The following SMCO4 variants were observed in gnomAD, a reference collection of about 807,000 sequenced individuals.
SMCO4 encodes the protein single-pass membrane protein with coiled-coil domains 4.
Under a neutral mutation model 3.6 loss-of-function variants are expected in SMCO4, and 4 were observed. The observed-to-expected ratio is 1.11, with a 90% CI of 0.54 to 2.53. The LOEUF (loss-of-function observed/expected upper bound fraction) is 2.53, where lower values mean the gene tolerates loss of function less well. SMCO4 is among the 30% of genes most tolerant of loss of function. The probability of loss-of-function intolerance (pLI) is 0.02; values close to 1 mark genes in which losing one functional copy is unlikely to be tolerated. For missense variants in SMCO4, 70 were observed against 80.8 expected (o/e 0.87, Z 0.51); for synonymous variants, 36 against 35.3 (o/e 1.02, Z -0.07).
chr11:93,553,555 T>G, the SMCO4 span, among the ~76,000 whole-genome samples: 1 of 152,220 alleles, frequency 6.6e-6, no homozygotes, highest in South Asian at 2.1e-4. Flanking sequence ...CATGTTACAG[T>G]GTTGCAGATC....
chr11:93,487,617 C>G (rs184670224), intron 2 of SMCO4, among the ~76,000 whole-genome samples: 1 of 152,378 alleles, frequency 6.6e-6, no homozygotes, highest in African/African-American at 2.4e-5. Flanking sequence ...TGCCGAATGA[C>G]AGAGACATGA....
chr11:93,501,647 A>C (rs1161351407), intron 1 of SMCO4, among the ~76,000 whole-genome samples: 2 of 152,216 alleles, frequency 1.3e-5, no homozygotes, highest in East Asian at 3.9e-4. Flanking sequence ...GGATGATCTC[A>C]TCTCAAGATC....
intron 2 of SMCO4, among the ~76,000 whole-genome samples, chr11:93,488,064 T>C (rs7130511): frequency 0.012 from 1,895 of 152,280 alleles, 36 homozygotes; most frequent in African/African-American, 0.043. Flanking sequence ...AGAGCATGTG[T>C]CAGATGATGC....
At chr11:93,500,341 C>T (rs1948823066) in intron 1 of SMCO4, among the ~76,000 whole-genome samples, 3 of 152,118 alleles carry the variant, frequency 2.0e-5, no homozygotes, top group Non-Finnish European at 4.4e-5. Flanking sequence ...TGCTGTGCTG[C>T]CTTCATATTC....
chr11:93,498,829 G>A (rs919898862), intron 2 of SMCO4, among the ~76,000 whole-genome samples: 2 of 152,104 alleles, frequency 1.3e-5, no homozygotes, highest in Admixed American at 6.5e-5. Context: ...TGAGTCATTC[G>A]AGAAACATTT....
rs11020402 is a variant in SMCO4, at chr11:93,527,285, G to A, written c.-154+15991C>T. On this transcript the variant is annotated intron_variant, in intron 1 of 2. Transcript: ENST00000298966. ...AGGAACCTGGGACCTTTCTGAGTAT[G>A]TCAGTTCTGGGTTCAAATCCTGCCT... Among the ~76,000 whole-genome samples, 472 of 152,282 alleles carry A rather than the reference G, an allele frequency of 3.1e-3. 15 individuals are homozygous for A. The East Asian group carries it at 0.072, about 23-fold the overall frequency.
At chr11:93,509,867 A>G (rs79843481) in intron 1 of SMCO4, among the ~76,000 whole-genome samples, 2,495 of 152,310 alleles carry the variant, frequency 0.016, 76 homozygotes, top group African/African-American at 0.057. Context: ...CACACTGAGT[A>G]TAGTGTACAC....
chr11:93,511,544 T>C (rs1359076771), intron 1 of SMCO4, among the ~76,000 whole-genome samples: 2 of 152,192 alleles, frequency 1.3e-5, no homozygotes, highest in Non-Finnish European at 2.9e-5. Flanking sequence ...CCTCTACAAA[T>C]ACCTAACTTG....
intron 1 of SMCO4, among the ~76,000 whole-genome samples, chr11:93,515,088 C>G (rs1484438586): frequency 2.0e-5 from 3 of 152,154 alleles, no homozygotes; most frequent in Admixed American, 2.0e-4. Flanking sequence ...ACTCTCTGCT[C>G]CCCAAAATAT....
chr11:93,497,476 G>A (rs1452751737), intron 2 of SMCO4, among the ~76,000 whole-genome samples: 2 of 152,206 alleles, frequency 1.3e-5, no homozygotes, highest in Non-Finnish European at 1.5e-5. Flanking sequence ...AAGGTCTCAG[G>A]AGGAACATAT....
At chr11:93,496,802 A>G (rs1342594157) in intron 2 of SMCO4, among the ~76,000 whole-genome samples, 1 of 152,214 alleles carries the variant, frequency 6.6e-6, no homozygotes, top group Non-Finnish European at 1.5e-5. Flanking sequence ...GTAAAATGTG[A>G]AGCCTGTTTC....
chr11:93,489,897 A>G (rs1042183184), intron 2 of SMCO4, among the ~76,000 whole-genome samples: 2 of 151,880 alleles, frequency 1.3e-5, no homozygotes, highest in African/African-American at 4.8e-5. Flanking sequence ...TTCCAGTTGG[A>G]GGTATTGTCA....
chr11:93,499,511 G>A (rs1676997020), intron 1 of SMCO4, among the ~76,000 whole-genome samples, 163 bp from the exon 2 acceptor site: 3 of 152,286 alleles, frequency 2.0e-5, no homozygotes, highest in Admixed American at 6.5e-5. Flanking sequence ...TGCTCCAGAA[G>A]GGCAGACAGA....
Position 93,535,799 on chromosome 11 carries a change from C to G in SMCO4, c.-154+7477G>C. 3 of 1,613,540 alleles carry G rather than the reference C, an allele frequency of 1.9e-6. No homozygotes were observed. In the Admixed American group the frequency reaches 5.0e-5, roughly 27 times the overall value. On this transcript the variant is annotated intron_variant, in intron 1 of 2. Coordinates refer to ENST00000298966, the MANE Select transcript of SMCO4 (RefSeq NM_020179.3). ...ACTAAGAAGACCAAAGCAGCAGCAG[C>G]AGCAGCAACAGCAGCACAGTAAAGG...
intron 2 of SMCO4, among the ~76,000 whole-genome samples, chr11:93,482,990 G>A (rs1308362107): frequency 2.0e-5 from 3 of 152,214 alleles, no homozygotes; most frequent in African/African-American, 7.2e-5. Context: ...ACTGAAAAAA[G>A]AAGAGGTCTC....
At chr11:93,521,824 C>T (rs775652615) in intron 1 of SMCO4, among the ~76,000 whole-genome samples, 18 of 152,150 alleles carry the variant, frequency 1.2e-4, no homozygotes, top group Non-Finnish European at 2.4e-4. Flanking sequence ...ACATCCCTGC[C>T]GCCAAGGACT....
chr11:93,553,566 T>G, the SMCO4 span, among the ~76,000 whole-genome samples: 1 of 152,218 alleles, frequency 6.6e-6, no homozygotes, highest in African/African-American at 2.4e-5. Flanking sequence ...GTTGCAGATC[T>G]CAAAACATAA....
At chr11:93,514,829 A>G (rs1948994910) in intron 1 of SMCO4, among the ~76,000 whole-genome samples, 1 of 152,164 alleles carries the variant, frequency 6.6e-6, no homozygotes, top group African/African-American at 2.4e-5. Context: ...AGACATAGCT[A>G]AGGACTTTAA....
chr11:93,520,708 T>C (rs531665268), intron 1 of SMCO4, among the ~76,000 whole-genome samples: 41 of 152,230 alleles, frequency 2.7e-4, no homozygotes, highest in Non-Finnish European at 5.4e-4. Flanking sequence ...AACAAAATTA[T>C]TTTGACTTTA....
Sources: gnomAD v4.1 joint callset for allele counts (sites outside exome capture counted in the v4.1 genomes callset) on GRCh38, gnomAD v4.1.1 for gene constraint, MANE v1.5 for transcripts, NCBI Gene and HGNC (gene_info 2026-07-23, HGNC 2026-07-21) for gene names.